Variants in POGLUT1 observed in about 807,000 individuals in gnomAD.
POGLUT1 encodes the protein 9630046K23Rik.
A neutral mutation model predicts 61.3 loss-of-function variants in POGLUT1; 32 were observed. That is an observed-to-expected ratio of 0.52 (90% CI 0.39 to 0.70). The LOEUF (loss-of-function observed/expected upper bound fraction) is 0.70, where lower values mean the gene tolerates loss of function less well. POGLUT1 is among the 30% of genes least tolerant of loss of function. POGLUT1 has a pLI of 0.00. For missense variants in POGLUT1, 411 were observed against 469.8 expected (o/e 0.87, Z 1.16); for synonymous variants, 158 against 158.2 (o/e 1.00, Z 0.01).
chr3:119,492,341 A>G lies in POGLUT1; in HGVS notation c.1082A>G (p.Asn361Ser), dbSNP rs1577089935. Residue 361 changes from asparagine (N) to serine (S), a missense_variant, in exon 11 of 11, where the codon AAC becomes AGC. Asn to Ser is a conservative substitution (Grantham distance 46). Coordinates refer to ENST00000295588, the MANE Select transcript of POGLUT1 (RefSeq NM_152305.3). ...QMDDITCYWENLLSEYSKFLS... is the reference protein window; with the variant it reads ...QMDDITCYWESLLSEYSKFLS... The stretch of plus-strand genomic sequence containing the variant: ...GATGACATCACCTGTTACTGGGAGA[A>G]CCTCTTGAGTGAATACTCTAAATTC... The G allele has an allele frequency of 6.2e-7, 1 of 1,610,316 alleles. No individual in the cohort carries two copies. The highest frequency in any genetic ancestry group is 8.5e-7 in the Non-Finnish European group (1 of 1,177,070).
At chr3:119,485,276 C>G in intron 5 of POGLUT1, 52 bp from the exon 6 acceptor site, 1 of 1,108,678 alleles carries the variant, frequency 9.0e-7, no homozygotes. Flanking sequence ...AAAGCACATT[C>G]TTATATAGTT....
chr3:119,488,869 C>A, intron 7 of POGLUT1, 60 bp from the exon 8 acceptor site: 2 of 875,936 alleles, frequency 2.3e-6, no homozygotes, highest in Non-Finnish European at 3.8e-6. Context: ...ATGCTTGCTG[C>A]ACAGTGATCA....
intron 7 of POGLUT1, chr3:119,488,597 C>T: frequency 5.6e-6 from 1 of 178,440 alleles, no homozygotes; most frequent in Non-Finnish European, 1.2e-5. Context: ...TCTCTGCATA[C>T]ATTATTTACA....
At chr3:119,479,038 C>A (rs1239913845) in intron 4 of POGLUT1, among the ~76,000 whole-genome samples, 4 of 152,142 alleles carry the variant, frequency 2.6e-5, no homozygotes, top group Non-Finnish European at 2.9e-5. Context: ...GATTCTCCAC[C>A]TCAGCCTCCT....
At chr3:119,486,624 C>G (rs2081666876) in intron 6 of POGLUT1, among the ~76,000 whole-genome samples, 1 of 152,086 alleles carries the variant, frequency 6.6e-6, no homozygotes, top group Non-Finnish European at 1.5e-5. Flanking sequence ...CCAAGTACCC[C>G]CCAACCCTAA....
chr3:119,484,437 G>A (rs899682709), intron 5 of POGLUT1, among the ~76,000 whole-genome samples: 2 of 152,172 alleles, frequency 1.3e-5, no homozygotes, highest in African/African-American at 4.8e-5. Flanking sequence ...TGATGCATCT[G>A]TGAGCTAGCA....
chr3:119,481,826 C>A (rs1467607221), intron 5 of POGLUT1, among the ~76,000 whole-genome samples: 1 of 152,102 alleles, frequency 6.6e-6, no homozygotes, highest in South Asian at 2.1e-4. Flanking sequence ...GGTTAATATT[C>A]CTTGTGTTTT....
At chr3:119,478,391 C>T (rs149086459) in intron 4 of POGLUT1, 2 of 456,718 alleles carry the variant, frequency 4.4e-6, no homozygotes, top group Non-Finnish European at 8.8e-6. Flanking sequence ...TTGCATTTCC[C>T]ATGGTCTAGC....
In POGLUT1 at chr3:119,481,879, G is replaced by A. The variant is rs188449792; in HGVS notation, c.578+1707G>A. 1.2e-4 allele frequency among the ~76,000 whole-genome samples: 19 copies of A among 152,136 alleles called. No homozygotes were observed. The East Asian group carries it at 3.7e-3, about 29-fold the overall frequency. ...CATTTCTTGTTTATTTTTGGGTTTT[G>A]AACATAATTTTGAGAGGGGGGGAAA... On this transcript the variant is annotated intron_variant, in intron 5 of 10. Coordinates refer to ENST00000295588, the MANE Select transcript of POGLUT1 (RefSeq NM_152305.3).
At chr3:119,492,124 G>A (rs910600332) in intron 10 of POGLUT1, among the ~76,000 whole-genome samples, 158 bp from the exon 11 acceptor site, 1 of 152,226 alleles carries the variant, frequency 6.6e-6, no homozygotes, top group Non-Finnish European at 1.5e-5. Flanking sequence ...ATGCATGTAT[G>A]TGGATATGAT....
At chr3:119,471,536 A>T in intron 3 of POGLUT1, 84 bp downstream of exon 3, 1 of 1,184,854 alleles carries the variant, frequency 8.4e-7, no homozygotes, top group Admixed American at 1.8e-5. Context: ...AATTCATGGG[A>T]CTAACAAGCA....
At chr3:119,478,127 C>A in intron 4 of POGLUT1, 2 of 341,362 alleles carry the variant, frequency 5.9e-6, no homozygotes, top group Non-Finnish European at 5.7e-6. Flanking sequence ...AGGGATGGGC[C>A]TTGGTTCCCT....
chr3:119,474,737 G>T (rs2081516004), intron 3 of POGLUT1, among the ~76,000 whole-genome samples: 1 of 152,130 alleles, frequency 6.6e-6, no homozygotes, highest in African/African-American at 2.4e-5. Flanking sequence ...TACTTGGGAG[G>T]CTGAGGCAGG....
Position 119,480,274 on chromosome 3 carries a change from G to A in POGLUT1, c.578+102G>A, listed in dbSNP as rs534929017. 3.6e-4 allele frequency: 355 copies of A among 978,896 alleles called. 1 individual carries two copies. Among genetic ancestry groups the A allele is most frequent in the Non-Finnish European group, 4.7e-4 (328 of 701,592 alleles). 60.6% of individuals were successfully genotyped at this position (978,896 alleles called of 1,614,324 possible). A position where few individuals can be genotyped will look rare whatever the true frequency, so the allele number is the denominator to read the frequency against. Reference sequence around the variant, plus strand: ...TTACTTTTTTTTTTTTTGAGACGGAGTTTCGCCCTTTTTGCCCAGGCTAGA... The same window carrying A: ...TTACTTTTTTTTTTTTTGAGACGGAATTTCGCCCTTTTTGCCCAGGCTAGA... On this transcript the variant is annotated intron_variant, in intron 5 of 10. Coordinates refer to ENST00000295588, the MANE Select transcript of POGLUT1 (RefSeq NM_152305.3).
At chr3:119,469,375 G>A in intron 1 of POGLUT1, 2 of 576,588 alleles carry the variant, frequency 3.5e-6, no homozygotes, top group Non-Finnish European at 6.2e-6. Context: ...GGCGTGGCCC[G>A]TGCTTGGCTA....
chr3:119,469,018 G>C lies in POGLUT1; in HGVS notation c.-4G>C, dbSNP rs557919199. ...GCGGGGAATCTGCAGTAGGTCTGCC[G>C]GCGATGGAGTGGTGGGCTAGCTCGC... On this transcript the variant is annotated 5_prime_UTR_variant, in exon 1 of 11. Transcript: ENST00000295588. 125 of 1,606,836 alleles carry C rather than the reference G, an allele frequency of 7.8e-5. No homozygotes were observed. In the South Asian group the frequency reaches 1.3e-3, roughly 17 times the overall value.
chr3:119,492,328 T>C lies in POGLUT1; in HGVS notation c.1069T>C (p.Cys357Arg). The C allele has an allele frequency of 6.2e-7, 1 of 1,610,948 alleles. No individual in the cohort carries two copies. Among genetic ancestry groups the C allele is most frequent in the South Asian group, 1.1e-5 (1 of 90,794 alleles). The change falls in exon 11 of 11, where the codon TGT (cysteine) becomes CGT (arginine). Residue 357 changes from cysteine to arginine, a missense_variant. Coordinates refer to ENST00000295588, the MANE Select transcript of POGLUT1 (RefSeq NM_152305.3). ...CCATTTGCAGATGGATGACATCACCTGTTACTGGGAGAACCTCTTGAGTGA... is the reference window on the plus strand; with the variant it reads ...CCATTTGCAGATGGATGACATCACCCGTTACTGGGAGAACCTCTTGAGTGA... ...RNHLQMDDITCYWENLLSEYS... is the reference protein window; with the variant it reads ...RNHLQMDDITRYWENLLSEYS...
At chr3:119,475,014 A>C (rs1055286015) in intron 3 of POGLUT1, among the ~76,000 whole-genome samples, 2 of 152,110 alleles carry the variant, frequency 1.3e-5, no homozygotes, top group African/African-American at 4.8e-5. Flanking sequence ...AAATATCCAA[A>C]TATTTTACCA....
At chr3:119,474,180 C>T (rs567123912) in intron 3 of POGLUT1, among the ~76,000 whole-genome samples, 31 of 151,944 alleles carry the variant, frequency 2.0e-4, no homozygotes, top group African/African-American at 7.5e-4. Flanking sequence ...TGTAAATGTT[C>T]CCACAACAAA....
Sources: gnomAD v4.1 joint callset for allele counts (sites outside exome capture counted in the v4.1 genomes callset) on GRCh38, gnomAD v4.1.1 for gene constraint, MANE v1.5 for transcripts, NCBI Gene and HGNC (gene_info 2026-07-23, HGNC 2026-07-21) for gene names.